The following TRIQK variants were observed in gnomAD, a reference collection of about 807,000 sequenced individuals.
The protein encoded by TRIQK is triple QxxK/R motif containing, also known as triple QxxK/R motif-containing protein.
In TRIQK, 10 loss-of-function variants were observed where a neutral mutation model predicts 10.8. The ratio of observed to expected loss-of-function variants is 0.92; its 90% CI spans 0.57 to 1.57. The LOEUF (loss-of-function observed/expected upper bound fraction) is 1.57. TRIQK is among the 40% of genes most tolerant of loss of function. The pLI is 0.00. For synonymous variants in TRIQK, 33 were observed against 33.7 expected (o/e 0.98, Z 0.07); for missense variants, 107 against 97.7 (o/e 1.09, Z -0.40).
At chr8:92,991,058 T>C (rs1813091826) in intron 1 of TRIQK, among the ~76,000 whole-genome samples, 1 of 152,132 alleles carries the variant, frequency 6.6e-6, no homozygotes, top group Admixed American at 6.5e-5. Flanking sequence ...ACACTCTGGC[T>C]TGGTGGGGGG....
At chr8:92,920,130 C>T (rs1469476181) in intron 2 of TRIQK, among the ~76,000 whole-genome samples, 1 of 150,990 alleles carries the variant, frequency 6.6e-6, no homozygotes, top group Non-Finnish European at 1.5e-5. Flanking sequence ...AAATTTATTT[C>T]TGCTCTATAA....
chr8:93,006,460 C>T (rs141247003), intron 1 of TRIQK, among the ~76,000 whole-genome samples: 149 of 152,312 alleles, frequency 9.8e-4, no homozygotes, highest in African/African-American at 3.4e-3. Context: ...AGATCCCCCT[C>T]GTGAGCTGAC....
upstream of TRIQK, among the ~76,000 whole-genome samples, chr8:92,968,032 G>A (rs1297943126): frequency 6.6e-6 from 1 of 151,860 alleles, no homozygotes; most frequent in African/African-American, 2.4e-5. Context: ...ACAACAAGAA[G>A]TAAATAGCTT....
intron 2 of TRIQK, among the ~76,000 whole-genome samples, chr8:92,937,803 C>G (rs1811068646): frequency 1.3e-5 from 2 of 151,834 alleles, no homozygotes; most frequent in Admixed American, 1.3e-4. Flanking sequence ...TCTCAACCCT[C>G]TATCCTTTGG....
chr8:92,923,911 A>T (rs1810311840), intron 2 of TRIQK, among the ~76,000 whole-genome samples: 1 of 151,980 alleles, frequency 6.6e-6, no homozygotes, highest in African/African-American at 2.4e-5. Context: ...GAACAAGTAA[A>T]GAAATAAGAA....
At position 92,915,340 on chromosome 8, in the gene TRIQK, G is replaced by C. The variant is rs150124238; in HGVS notation, c.61+1589C>G. Among the ~76,000 whole-genome samples the C allele has an allele frequency of 5.7e-3, 870 of 152,234 alleles. 6 individuals are homozygous for C. Among genetic ancestry groups the C allele is most frequent in the Admixed American group, 7.1e-3 (109 of 15,286 alleles). ...GTATTGTACACTGGATATTTGCTGA[G>C]AGTAGATTTTAGGACTCTTACCACA... On this transcript the variant is annotated intron_variant, in intron 3 of 4. Coordinates refer to ENST00000521988, the MANE Select transcript of TRIQK (RefSeq NM_001171797.2).
At chr8:92,952,857 C>A (rs1811978134) in intron 2 of TRIQK, among the ~76,000 whole-genome samples, 1 of 151,998 alleles carries the variant, frequency 6.6e-6, no homozygotes, top group Non-Finnish European at 1.5e-5. Flanking sequence ...AATGCCATTG[C>A]ATAACGAGCC....
At position 92,916,997 on chromosome 8, in the gene TRIQK, C is replaced by T. The variant is rs1467099586; in HGVS notation, c.-8G>A. The T allele has an allele frequency of 3.3e-6, 5 of 1,495,950 alleles. No homozygotes were observed. In the Admixed American group the frequency reaches 9.1e-5, roughly 27 times the overall value. 92.7% of individuals were successfully genotyped at this position (1,495,950 alleles called of 1,614,324 possible). A position where few individuals can be genotyped will look rare whatever the true frequency, so the allele number is the denominator to read the frequency against. ...AGCATCTTTTCTACCCATCTTTGAT[C>T]TCCAAAATGCCTGCTGAAAAGAAAA... On this transcript the variant is annotated 5_prime_UTR_variant, in exon 3 of 5. Coordinates refer to ENST00000521988, the MANE Select transcript of TRIQK (RefSeq NM_001171797.2).
intron 1 of TRIQK, among the ~76,000 whole-genome samples, chr8:92,959,442 T>C (rs1183082359): frequency 1.3e-5 from 2 of 151,350 alleles, no homozygotes. Flanking sequence ...AACAAAACTA[T>C]TTAAAGTCTG....
At chr8:92,903,836 A>G (rs2130363468) in intron 3 of TRIQK, among the ~76,000 whole-genome samples, 1 of 152,274 alleles carries the variant, frequency 6.6e-6, no homozygotes, top group Non-Finnish European at 1.5e-5. Flanking sequence ...CTGTTATCCC[A>G]AACCTTGTGT....
intron 1 of TRIQK, among the ~76,000 whole-genome samples, chr8:92,980,346 T>C (rs1812974329): frequency 6.6e-6 from 1 of 152,026 alleles, no homozygotes; most frequent in Admixed American, 6.6e-5. Flanking sequence ...TTTGCATTTA[T>C]TTTATAATTG....
At chr8:93,015,272 T>C (rs190306898) in intron 1 of TRIQK, among the ~76,000 whole-genome samples, 37 of 152,080 alleles carry the variant, frequency 2.4e-4, no homozygotes, top group Non-Finnish European at 5.0e-4. Context: ...AGTGTATTTC[T>C]AAAATTCCAG....
At position 92,885,176 on chromosome 8, in the gene TRIQK, T is replaced by C; in HGVS notation, c.*1446A>G. ...GAACCTTTGGCTGTTTTCACACCAA[T>C]GAAATAAATTATGCTACTTGAAAAA... On this transcript the variant is annotated 3_prime_UTR_variant, in exon 5 of 5. Transcript: ENST00000521988. The C allele has an allele frequency of 2.8e-6, 1 of 359,840 alleles. No individual in the cohort carries two copies. The highest frequency in any genetic ancestry group is 2.1e-5 in the African/African-American group (1 of 46,872). 22.3% of individuals were successfully genotyped at this position (359,840 alleles called of 1,614,324 possible).
At chr8:92,902,702 T>C (rs1809015862) in intron 3 of TRIQK, among the ~76,000 whole-genome samples, 2 of 152,294 alleles carry the variant, frequency 1.3e-5, no homozygotes, top group South Asian at 4.1e-4. Context: ...TAAGTAATTT[T>C]ATAAAATTTC....
At chr8:92,930,218 G>A (rs1208396174) in intron 2 of TRIQK, among the ~76,000 whole-genome samples, 3 of 150,172 alleles carry the variant, frequency 2.0e-5, no homozygotes, top group East Asian at 2.0e-4. Context: ...CCCCACCCAC[G>A]TCTCTACTAA....
intron 2 of TRIQK, among the ~76,000 whole-genome samples, chr8:92,929,783 ATTG>A (rs1038368560): frequency 8.9e-4 from 136 of 152,296 alleles, no homozygotes; most frequent in African/African-American, 3.0e-3. Context: ...TACGAAAATG[ATTG>A]TTATGATTCA....
chr8:92,926,110 G>A (rs1000613182), intron 2 of TRIQK, among the ~76,000 whole-genome samples: 1 of 150,812 alleles, frequency 6.6e-6, no homozygotes, highest in African/African-American at 2.4e-5. Flanking sequence ...CCCCAATATT[G>A]ATCAACAGAA....
intron 2 of TRIQK, among the ~76,000 whole-genome samples, chr8:92,949,796 AAGAAAGAAAGAAAG>A (rs1486879817): frequency 6.8e-5 from 6 of 88,792 alleles, no homozygotes; most frequent in East Asian, 3.4e-4. Flanking sequence ...GAAAGAAAGA[AAGAAAGAAAGAAAG>A]AAAGAAAGAA....
At chr8:92,946,990 C>T (rs1489102867) in intron 2 of TRIQK, among the ~76,000 whole-genome samples, 1 of 151,556 alleles carries the variant, frequency 6.6e-6, no homozygotes, top group Non-Finnish European at 1.5e-5. Flanking sequence ...TGGTGTCGAT[C>T]TCCTGACCTC....
Sources: allele counts gnomAD v4.1 joint callset (sites outside exome capture counted in the v4.1 genomes callset), GRCh38; gene constraint gnomAD v4.1.1; transcripts MANE v1.5; gene names NCBI Gene and HGNC (gene_info 2026-07-23, HGNC 2026-07-21).